The following BIVM variants were observed in gnomAD, a reference collection of about 807,000 sequenced individuals.
BIVM encodes the protein basic immunoglobulin-like variable motif-containing protein.
BIVM carries 31 observed loss-of-function variants against 61.4 expected under a neutral mutation model. That is an observed-to-expected ratio of 0.51 (90% CI 0.38 to 0.68). BIVM has a LOEUF of 0.68. Ranked by LOEUF, BIVM falls within the 30% of genes least tolerant of loss-of-function variation. The pLI is 0.00. For synonymous variants in BIVM, 189 were observed against 210.7 expected (o/e 0.90, Z 0.89); for missense variants, 526 against 596.0 (o/e 0.88, Z 1.22).
At position 102,838,672 on chromosome 13, in the gene BIVM, C is replaced by T; in HGVS notation, c.1151C>T (p.Thr384Ile). ...GCAGATATTGTTACTGATCTAAACA[C>T]TCAAAATCCAGAATACCTGGATATC... ...KWADIVTDLN[T>I]QNPEYLDIRH... The change falls in exon 10 of 11, where the codon ACT (threonine) becomes ATT (isoleucine). Residue 384 changes from threonine (T) to isoleucine (I), a missense_variant. Coordinates refer to ENST00000257336, the MANE Select transcript of BIVM (RefSeq NM_017693.4). 1.2e-6 allele frequency: 2 copies of T among 1,613,172 alleles called. No homozygotes were observed. The highest frequency in any genetic ancestry group is 1.7e-6 in the Non-Finnish European group (2 of 1,179,478).
intron 5 of BIVM, among the ~76,000 whole-genome samples, chr13:102,821,458 C>T (rs1317342117): frequency 6.6e-6 from 1 of 151,920 alleles, no homozygotes; most frequent in Non-Finnish European, 1.5e-5. Flanking sequence ...AACAACTAGC[C>T]AGGCACAATG....
chr13:102,834,502 G>T lies in BIVM; in HGVS notation c.1071G>T (p.Trp357Cys). The T allele has an allele frequency of 6.3e-7, 1 of 1,594,788 alleles. No homozygotes were observed. The highest frequency in any genetic ancestry group is 8.5e-7 in the Non-Finnish European group (1 of 1,174,194). The change falls in exon 9 of 11, where the codon TGG becomes TGT. Residue 357 changes from tryptophan (W) to cysteine (C), a missense_variant. Physicochemically the swap from Trp to Cys is radical, Grantham distance 215. Transcript: ENST00000257336. ...GPLSPQEVEY[W>C]ILIGESSRKH... ...TCTCACCACAGGAAGTTGAATATTGGATCTTAATTGGAGAATCAAGTAGAA... is the reference window on the plus strand; with the variant it reads ...TCTCACCACAGGAAGTTGAATATTGTATCTTAATTGGAGAATCAAGTAGAA...
At position 102,841,446 on chromosome 13, in the gene BIVM, AAG is replaced by A. The variant is rs1881782654; in HGVS notation, c.*1585_*1586del. On this transcript the variant is annotated 3_prime_UTR_variant, in exon 11 of 11. Transcript: ENST00000257336. ...TTTTGCTTGAAATGCAAAGGACTGA[AAG>A]AGATTTGTAGGTTGTTGATTTTGTT... is the stretch of plus-strand genomic sequence containing the variant. 1 of 152,636 alleles carries A rather than the reference AAG, an allele frequency of 6.6e-6. No individual in the cohort carries two copies. Among genetic ancestry groups the A allele is most frequent in the Non-Finnish European group, 1.5e-5 (1 of 68,044 alleles). 9.5% of individuals were successfully genotyped at this position (152,636 alleles called of 1,614,324 possible).
At chr13:102,824,817 G>A (rs1880548075) in intron 7 of BIVM, among the ~76,000 whole-genome samples, 3 of 152,104 alleles carry the variant, frequency 2.0e-5, no homozygotes, top group African/African-American at 7.2e-5. Flanking sequence ...GGAATGCAGT[G>A]GCTGTGATCA....
At chr13:102,834,433 A>G in intron 8 of BIVM, 33 bp from the exon 9 acceptor site, 3 of 1,576,758 alleles carry the variant, frequency 1.9e-6, no homozygotes, top group Non-Finnish European at 2.6e-6. Flanking sequence ...GGGAGTAACT[A>G]TTAAACGTAC....
At chr13:102,822,959 G>T (rs1880399151) in intron 7 of BIVM, among the ~76,000 whole-genome samples, 1 of 152,200 alleles carries the variant, frequency 6.6e-6, no homozygotes, top group Non-Finnish European at 1.5e-5. Context: ...GAGGGGTTTG[G>T]GGGTGGGATA....
chr13:102,801,378 C>A (rs966288853), intron 1 of BIVM: 1 of 151,910 alleles, frequency 6.6e-6, no homozygotes, highest in Non-Finnish European at 1.5e-5. Flanking sequence ...TGGGCCTACA[C>A]GCATGCGCCA....
At position 102,799,517 on chromosome 13, in the gene BIVM, C is replaced by G. The variant is rs1429731642; in HGVS notation, c.-211C>G. ...AGCGACCCGACCCCACCCGACAGGC[C>G]AGAGGTACCCCGGGGCGGGGGGCAG... On this transcript the variant is annotated 5_prime_UTR_variant, in exon 1 of 11. Coordinates refer to ENST00000257336, the MANE Select transcript of BIVM (RefSeq NM_017693.4). 1.3e-5 allele frequency: 2 copies of G among 152,296 alleles called. No homozygotes were observed. The highest frequency in any genetic ancestry group is 2.9e-5 in the Non-Finnish European group (2 of 68,110). The allele number at this position is 152,296 out of a possible 1,614,324, so 9.4% of individuals were successfully genotyped here.
At chr13:102,800,565 GTC>G (rs10617400) in intron 1 of BIVM, 36,943 of 152,150 alleles carry the variant, frequency 0.24, 5,089 homozygotes, top group East Asian at 0.39. Context: ...CTGCGCGACT[GTC>G]TACTCCGTCC....
At chr13:102,836,105 C>T (rs1373597097) in intron 9 of BIVM, among the ~76,000 whole-genome samples, 1 of 152,172 alleles carries the variant, frequency 6.6e-6, no homozygotes, top group Non-Finnish European at 1.5e-5. Flanking sequence ...ATTTAAGAAA[C>T]TGTGAGAAAA....
intron 7 of BIVM, among the ~76,000 whole-genome samples, chr13:102,824,151 A>G (rs926486112): frequency 1.3e-5 from 2 of 152,208 alleles, no homozygotes; most frequent in African/African-American, 4.8e-5. Context: ...ATGTCTGCCA[A>G]TGACATTTTG....
Position 102,806,941 on chromosome 13 carries a change from T to A in BIVM, c.-122-205T>A, listed in dbSNP as rs75719302. On this transcript the variant is annotated intron_variant, in intron 2 of 10. Transcript: ENST00000257336. Reference sequence around the variant, plus strand: ...AAAAAAAATTGGGCTATTTGCTTTTTAATTATTTTTTAATTATTTGAAAAT... The same window carrying A: ...AAAAAAAATTGGGCTATTTGCTTTTAAATTATTTTTTAATTATTTGAAAAT... Among the ~76,000 whole-genome samples, 942 of 152,320 alleles carry A rather than the reference T, an allele frequency of 6.2e-3. 16 individuals carry two copies. The highest frequency in any genetic ancestry group is 0.021 in the African/African-American group (893 of 41,566).
chr13:102,836,976 G>A (rs756000847), intron 9 of BIVM, among the ~76,000 whole-genome samples: 1 of 152,138 alleles, frequency 6.6e-6, no homozygotes, highest in Non-Finnish European at 1.5e-5. Context: ...AGATTTTGAT[G>A]AGGATAGAAT....
intron 2 of BIVM, among the ~76,000 whole-genome samples, chr13:102,805,879 T>C (rs188143757): frequency 9.2e-4 from 140 of 152,388 alleles, no homozygotes; most frequent in Non-Finnish European, 1.5e-3. Context: ...TGTATGGATA[T>C]ACCACATTTT....
At position 102,834,473 on chromosome 13, in the gene BIVM, C is replaced by T; in HGVS notation, c.1042C>T (p.Pro348Ser). 6.3e-7 allele frequency: 1 copy of T among 1,596,206 alleles called. No individual in the cohort carries two copies. The highest frequency in any genetic ancestry group is 8.5e-7 in the Non-Finnish European group (1 of 1,174,150). ...AATGTATTTTATATTTAGCAGGGGA[C>T]CTCTCTCACCACAGGAAGTTGAATA... is the stretch of plus-strand genomic sequence containing the variant. Reference protein sequence around the residue: ...VKANKAFSRGPLSPQEVEYWI... With the variant: ...VKANKAFSRGSLSPQEVEYWI... Residue 348 changes from proline (P) to serine (S), a missense_variant, in exon 9 of 11, where the codon CCT becomes TCT. Physicochemically the swap from Pro to Ser is moderately conservative, Grantham distance 74 (BLOSUM62 -1). Coordinates refer to ENST00000257336, the MANE Select transcript of BIVM (RefSeq NM_017693.4).
At chr13:102,800,608 G>A (rs1046205132) in intron 1 of BIVM, 1 of 152,362 alleles carries the variant, frequency 6.6e-6, no homozygotes, top group Non-Finnish European at 1.5e-5. Flanking sequence ...CGAGCGGCGA[G>A]CTTGTCAGAG....
chr13:102,804,973 G>C (rs1276669811), intron 1 of BIVM, among the ~76,000 whole-genome samples: 2 of 152,164 alleles, frequency 1.3e-5, no homozygotes, highest in African/African-American at 4.8e-5. Context: ...TAACTCATAG[G>C]CTTTCGTTGT....
intron 3 of BIVM, among the ~76,000 whole-genome samples, chr13:102,813,908 G>A (rs1879674223): frequency 6.6e-6 from 1 of 152,074 alleles, no homozygotes; most frequent in African/African-American, 2.4e-5. Context: ...CTTCTCTGTG[G>A]CTCTCTTCTT....
intron 4 of BIVM, chr13:102,820,776 A>G: frequency 2.6e-6 from 1 of 378,496 alleles, no homozygotes; most frequent in Non-Finnish European, 4.7e-6. Context: ...GCGATATATC[A>G]TTATTTTTTT....
Sources: allele counts gnomAD v4.1 joint callset (sites outside exome capture counted in the v4.1 genomes callset), GRCh38; gene constraint gnomAD v4.1.1; transcripts MANE v1.5; gene names NCBI Gene and HGNC (gene_info 2026-07-23, HGNC 2026-07-21).